USP48: variants seen among roughly 807,000 people sequenced by gnomAD.
USP48 encodes the protein ubiquitin specific peptidase 48, also known as ubiquitin carboxyl-terminal hydrolase 48.
A neutral mutation model predicts 150.7 loss-of-function variants in USP48; 43 were observed. The observed-to-expected ratio is 0.29, with a 90% confidence interval of 0.22 to 0.37. The LOEUF (loss-of-function observed/expected upper bound fraction) is 0.37. USP48 is among the 10% of genes least tolerant of loss of function. The pLI is 1.00. For missense variants in USP48, 813 were observed against 1,249.6 expected, an observed-to-expected ratio of 0.65 and a Z score of 5.27; for synonymous variants, 396 against 425.9, an observed-to-expected ratio of 0.93 and a Z score of 0.86.
At chr1:21,693,175 T>G (rs1327979157) in intron 23 of USP48, among the ~76,000 whole-genome samples, 1 of 152,176 alleles carries the variant, frequency 6.6e-6, no homozygotes, top group Admixed American at 6.5e-5. Flanking sequence ...AAGATCTATC[T>G]TTGGGAAAAT....
At chr1:21,689,329 G>A (rs2097590180) in intron 24 of USP48, among the ~76,000 whole-genome samples, 2 of 149,184 alleles carry the variant, frequency 1.3e-5, no homozygotes, top group Admixed American at 1.3e-4. Context: ...AAAAAAAGCG[G>A]GGGGCGGGGG....
At chr1:21,743,547 G>GA (rs749725557) in intron 8 of USP48, among the ~76,000 whole-genome samples, 30 of 151,928 alleles carry the variant, frequency 2.0e-4, no homozygotes, top group Admixed American at 3.9e-4. Flanking sequence ...TATCCCAGGA[G>GA]AAAAAAGAGT....
At chr1:21,741,451 C>T (rs1027953210) in intron 8 of USP48, among the ~76,000 whole-genome samples, 5 of 152,116 alleles carry the variant, frequency 3.3e-5, no homozygotes, top group Non-Finnish European at 2.9e-5. Context: ...AAATGAATTT[C>T]GCAAGGACAA....
At chr1:21,752,504 T>C (rs1278060848) in intron 5 of USP48, 23 bp downstream of exon 5, 10 of 1,602,806 alleles carry the variant, frequency 6.2e-6, no homozygotes, top group Middle Eastern at 1.7e-4. Flanking sequence ...AAATGTACCA[T>C]GAAAAAGTTG....
At chr1:21,742,140 T>C (rs550280578) in intron 8 of USP48, among the ~76,000 whole-genome samples, 24 of 152,264 alleles carry the variant, frequency 1.6e-4, no homozygotes, top group African/African-American at 5.3e-4. Flanking sequence ...TAGGGTTTAC[T>C]TGGAATCACC....
chr1:21,712,333 T>G (rs112383930), intron 15 of USP48, among the ~76,000 whole-genome samples: 195 of 152,266 alleles, frequency 1.3e-3, no homozygotes, highest in African/African-American at 4.3e-3. Flanking sequence ...CGCTCCAGCC[T>G]GGGCGACACA....
At chr1:21,705,023 G>C (rs146416153) in intron 19 of USP48, among the ~76,000 whole-genome samples, 1 of 152,114 alleles carries the variant, frequency 6.6e-6, no homozygotes, top group Non-Finnish European at 1.5e-5. Flanking sequence ...GGGATGCAGA[G>C]AGGGAGGGAG....
At chr1:21,715,206 C>T (rs2152534943) in intron 15 of USP48, 183 bp downstream of exon 15, 1 of 514,678 alleles carries the variant, frequency 1.9e-6, no homozygotes, top group Non-Finnish European at 3.5e-6. Context: ...TTCAAAAGCA[C>T]TTCAATGGAA....
chr1:21,701,382 GA>G (rs1162891192), intron 22 of USP48, 115 bp downstream of exon 22: 40 of 519,652 alleles, frequency 7.7e-5, no homozygotes, highest in Admixed American at 1.2e-4. Flanking sequence ...AAAAAAAAAA[GA>G]AAAAAAAAGA....
At chr1:21,692,064 A>T (rs1043647726) in intron 23 of USP48, among the ~76,000 whole-genome samples, 1 of 152,132 alleles carries the variant, frequency 6.6e-6, no homozygotes, top group Non-Finnish European at 1.5e-5. Context: ...GGGGACCAGA[A>T]AAGTGATTTT....
chr1:21,687,369 C>T, intron 24 of USP48, 130 bp from the exon 25 acceptor site: 1 of 829,508 alleles, frequency 1.2e-6, no homozygotes, highest in Non-Finnish European at 1.9e-6. Flanking sequence ...AACTCAGTTT[C>T]AGCCACAGCC....
At chr1:21,698,133 T>G (rs1221095080) in intron 22 of USP48, among the ~76,000 whole-genome samples, 5 of 152,178 alleles carry the variant, frequency 3.3e-5, no homozygotes, top group Non-Finnish European at 7.3e-5. Flanking sequence ...AAGCTATCTT[T>G]GTACTGAGAT....
chr1:21,741,219 T>C (rs2097780751), intron 8 of USP48, among the ~76,000 whole-genome samples: 3 of 151,974 alleles, frequency 2.0e-5, no homozygotes, highest in Non-Finnish European at 4.4e-5. Context: ...GAATCAAAAT[T>C]AAAAAAGAAA....
At chr1:21,770,482 T>C (rs909180122) in intron 1 of USP48, among the ~76,000 whole-genome samples, 1 of 104,040 alleles carries the variant, frequency 9.6e-6, no homozygotes, top group African/African-American at 4.5e-5. Flanking sequence ...ATCAAGTGTC[T>C]TTTTTTTTTT....
At chr1:21,725,625 C>T (rs1287478255) in intron 11 of USP48, among the ~76,000 whole-genome samples, 11 of 150,092 alleles carry the variant, frequency 7.3e-5, no homozygotes, top group South Asian at 4.2e-4. Flanking sequence ...TGGCGGCACA[C>T]GACTGTAATA....
At position 21,679,409 on chromosome 1, in the gene USP48, T is replaced by C; in HGVS notation, c.*8A>G. The stretch of plus-strand genomic sequence containing the variant: ...GTCATTTCTTAGCAGTCAGCAAGTA[T>C]TCAAAGATTAATGTCCAAGAAGACC... On this transcript the variant is annotated 3_prime_UTR_variant, in exon 27 of 27. Coordinates refer to ENST00000308271, the MANE Select transcript of USP48 (RefSeq NM_032236.8). The C allele has an allele frequency of 6.2e-7, 1 of 1,614,128 alleles. No homozygotes were observed. Among genetic ancestry groups the C allele is most frequent in the Non-Finnish European group, 8.5e-7 (1 of 1,180,022 alleles).
At chr1:21,754,011 A>G (rs1352576242) in intron 3 of USP48, among the ~76,000 whole-genome samples, 1 of 151,306 alleles carries the variant, frequency 6.6e-6, no homozygotes, top group Non-Finnish European at 1.5e-5. Flanking sequence ...AAATACAAAA[A>G]TTAGTGGGGC....
intron 1 of USP48, among the ~76,000 whole-genome samples, chr1:21,767,347 C>T (rs146790619): frequency 2.9e-4 from 44 of 152,166 alleles, no homozygotes; most frequent in African/African-American, 9.9e-4. Context: ...GACGGTGTCT[C>T]GCTCTGTTGC....
intron 25 of USP48, among the ~76,000 whole-genome samples, chr1:21,684,050 T>C (rs1558982602): frequency 6.6e-6 from 1 of 152,184 alleles, no homozygotes; most frequent in Non-Finnish European, 1.5e-5. Context: ...GACATGTAGG[T>C]TGATTCCATA....
Sources: allele counts gnomAD v4.1 joint callset (sites outside exome capture counted in the v4.1 genomes callset), GRCh38; gene constraint gnomAD v4.1.1; transcripts MANE v1.5; gene names NCBI Gene and HGNC (gene_info 2026-07-23, HGNC 2026-07-21).